The following USP15 variants were observed in gnomAD, a reference collection of about 807,000 sequenced individuals.
The protein encoded by USP15 is ubiquitin specific peptidase 15.
A neutral mutation model predicts 127.1 loss-of-function variants in USP15; 18 were observed. The observed-to-expected ratio is 0.14, with a 90% CI of 0.10 to 0.21. The LOEUF is 0.21. USP15 is among the 10% of genes least tolerant of loss of function. The pLI, the probability that USP15 is intolerant of heterozygous loss-of-function variation, is 1.00. For missense variants in USP15, 805 were observed against 1,159.9 expected (o/e 0.69, Z 4.44); for synonymous variants, 364 against 393.7 (o/e 0.92, Z 0.89).
chr12:62,294,788 A>C (rs1344505440), intron 2 of USP15: 1 of 156,616 alleles, frequency 6.4e-6, no homozygotes, highest in Non-Finnish European at 1.4e-5. Context: ...TACAACCCTC[A>C]CTACTTGCCA....
At position 62,404,540 on chromosome 12, in the gene USP15, C is replaced by A; in HGVS notation, c.*165C>A. On this transcript the variant is annotated 3_prime_UTR_variant, in exon 22 of 22. Transcript: ENST00000280377. ...AACTTGTGCAGTACTTGAAGTGAAA[C>A]ACAATGAAAACTTTAACAGAAATTG... 2 of 980,528 alleles carry A rather than the reference C, an allele frequency of 2.0e-6. No homozygotes were observed. The highest frequency in any genetic ancestry group is 2.7e-6 in the Non-Finnish European group (2 of 735,204). The allele number at this position is 980,528 out of a possible 1,614,324, so 60.7% of individuals were successfully genotyped here. A position where few individuals can be genotyped will look rare whatever the true frequency, so the allele number is the denominator to read the frequency against.
intron 8 of USP15, among the ~76,000 whole-genome samples, chr12:62,379,497 A>G (rs954750916): frequency 2.6e-5 from 4 of 152,162 alleles, no homozygotes; most frequent in African/African-American, 9.6e-5. Context: ...AAAAATGTTC[A>G]GTTATACCTT....
chr12:62,350,913 C>T (rs2065949781), intron 7 of USP15, among the ~76,000 whole-genome samples: 1 of 152,094 alleles, frequency 6.6e-6, no homozygotes, highest in Non-Finnish European at 1.5e-5. Flanking sequence ...GCATGAGCCA[C>T]CTTGCCCAGC....
At chr12:62,312,186 CAA>C (rs1167457544) in intron 3 of USP15, 1 of 166,376 alleles carries the variant, frequency 6.0e-6, no homozygotes, top group Non-Finnish European at 1.3e-5. Flanking sequence ...GCTAGCTCTA[CAA>C]AAGAGTAAGT....
chr12:62,296,963 A>T (rs559502312), intron 2 of USP15, among the ~76,000 whole-genome samples: 7 of 152,160 alleles, frequency 4.6e-5, no homozygotes, highest in Non-Finnish European at 8.8e-5. Context: ...CATAGTTCTG[A>T]TGCCTGGGGG....
chr12:62,327,703 C>G (rs1003994799), intron 6 of USP15: 7 of 430,938 alleles, frequency 1.6e-5, no homozygotes, highest in Non-Finnish European at 3.2e-5. Context: ...TAGTACTTGG[C>G]TTTGTGTGAA....
intron 6 of USP15, among the ~76,000 whole-genome samples, chr12:62,341,245 A>G (rs930541516): frequency 2.7e-5 from 4 of 149,884 alleles, no homozygotes; most frequent in Non-Finnish European, 5.9e-5. Context: ...TACTCCTCCA[A>G]CCCTTTATTT....
intron 6 of USP15, among the ~76,000 whole-genome samples, chr12:62,346,927 T>C (rs1221458968): frequency 6.6e-6 from 1 of 152,180 alleles, no homozygotes; most frequent in Non-Finnish European, 1.5e-5. Context: ...TGTAATACTC[T>C]TTTACTTCCC....
At chr12:62,286,419 T>C (rs1432950321) in intron 1 of USP15, among the ~76,000 whole-genome samples, 2 of 152,198 alleles carry the variant, frequency 1.3e-5, no homozygotes, top group Non-Finnish European at 2.9e-5. Context: ...TAATATGTTA[T>C]TGGTGAGAAT....
chr12:62,313,680 C>T (rs1292276276), intron 3 of USP15, among the ~76,000 whole-genome samples: 2 of 151,668 alleles, frequency 1.3e-5, no homozygotes, highest in Non-Finnish European at 3.0e-5. Flanking sequence ...AGTAGTTTAA[C>T]ATATTGGTTT....
At position 62,413,661 on chromosome 12, in the gene USP15, C is replaced by T. The variant is rs1056463064; in HGVS notation, c.*9286C>T. On this transcript the variant is annotated 3_prime_UTR_variant, in exon 22 of 22. Coordinates refer to ENST00000280377, the MANE Select transcript of USP15 (RefSeq NM_001252078.2). ...CCTCCATAGAATTGAAGAGAGAGGG[C>T]CTTGCTCTGCGTTAGGCTTTGGCTT... 6.6e-6 allele frequency: 1 copy of T among 152,098 alleles called. No homozygotes were observed. The highest frequency in any genetic ancestry group is 1.5e-5 in the Non-Finnish European group (1 of 68,042). 9.4% of individuals were successfully genotyped at this position (152,098 alleles called of 1,614,324 possible).
chr12:62,294,282 A>G lies in USP15; in HGVS notation c.193A>G (p.Ile65Val). ...AGATCAAAATGTGTATCCTGGACCC[A>G]TTGATAACTCTGGACTTCTCAAAGG... ...MGDQNVYPGP[I>V]DNSGLLKDGD... The change falls in exon 2 of 22, where the codon ATT becomes GTT. Residue 65 changes from isoleucine (I) to valine (V), a missense_variant. By Grantham distance (29) the Ile-to-Val change is conservative. Around this residue, in one of 11 missense-constraint regions of USP15, gnomAD observed 69 missense variants for 126.4 expected, o/e 0.55. Coordinates refer to ENST00000280377, the MANE Select transcript of USP15 (RefSeq NM_001252078.2). 5 of 1,611,892 alleles carry G rather than the reference A, an allele frequency of 3.1e-6. No homozygotes were observed. The highest frequency in any genetic ancestry group is 4.2e-6 in the Non-Finnish European group (5 of 1,179,266).
chr12:62,282,915 A>G, intron 1 of USP15, among the ~76,000 whole-genome samples: 1 of 152,312 alleles, frequency 6.6e-6, no homozygotes, highest in Middle Eastern at 3.4e-3. Context: ...CTTTTCCACA[A>G]ATTGTTTTTA....
chr12:62,403,918 C>T (rs1265358185), intron 21 of USP15, among the ~76,000 whole-genome samples: 1 of 151,960 alleles, frequency 6.6e-6, no homozygotes, highest in East Asian at 1.9e-4. Context: ...AATTGTGATA[C>T]AGTTTGTGTA....
rs145075584 is a variant in USP15 at position 62,311,513 on chromosome 12, G to A, written c.349-3277G>A. On this transcript the variant is annotated intron_variant, in intron 3 of 21. Coordinates refer to ENST00000280377, the MANE Select transcript of USP15 (RefSeq NM_001252078.2). The stretch of plus-strand genomic sequence containing the variant: ...TATGAAAGTAGCCGTAAACATAAAT[G>A]AATGGGGGTTGTTGTGTTCCGGTAA... Among the ~76,000 whole-genome samples, 328 of 151,890 alleles carry A rather than the reference G, an allele frequency of 2.2e-3. 2 individuals carry two copies. The highest frequency in any genetic ancestry group is 7.8e-3 in the African/African-American group (324 of 41,518).
At chr12:62,306,246 G>A (rs902330619) in intron 3 of USP15, among the ~76,000 whole-genome samples, 1 of 152,116 alleles carries the variant, frequency 6.6e-6, no homozygotes, top group Non-Finnish European at 1.5e-5. Context: ...GGTAAATTTT[G>A]GGGTAATTTA....
At chr12:62,345,032 C>A (rs549916105) in intron 6 of USP15, among the ~76,000 whole-genome samples, 6 of 152,210 alleles carry the variant, frequency 3.9e-5, no homozygotes, top group Non-Finnish European at 7.3e-5. Context: ...GACATTTTCC[C>A]CATTGTCTTG....
chr12:62,332,113 G>C (rs1463357916), intron 6 of USP15, among the ~76,000 whole-genome samples: 1 of 151,506 alleles, frequency 6.6e-6, no homozygotes, highest in Non-Finnish European at 1.5e-5. Flanking sequence ...GCAGTGAGCT[G>C]AGATCGCGCC....
At chr12:62,268,899 C>T (rs1399547118) in intron 1 of USP15, among the ~76,000 whole-genome samples, 1 of 152,056 alleles carries the variant, frequency 6.6e-6, no homozygotes, top group Non-Finnish European at 1.5e-5. Flanking sequence ...TAGTCACCTC[C>T]CATTTCTCTC....
Sources: allele counts gnomAD v4.1 joint callset (sites outside exome capture counted in the v4.1 genomes callset), GRCh38; gene constraint gnomAD v4.1.1; regional missense constraint gnomAD v4.1.1; transcripts MANE v1.5; gene names NCBI Gene and HGNC (gene_info 2026-07-23, HGNC 2026-07-21).